Variants in OCIAD1 observed in about 807,000 individuals in gnomAD.
OCIAD1 encodes the protein OCIA domain containing 1.
In OCIAD1, 29 loss-of-function variants were observed where a neutral mutation model predicts 38.9. That is an observed-to-expected ratio of 0.74 (90% CI 0.55 to 1.02). The LOEUF (loss-of-function observed/expected upper bound fraction) is 1.02. Among genes scored for constraint, OCIAD1 ranks in the 50% least tolerant of loss-of-function variants. The pLI, the probability that OCIAD1 is intolerant of heterozygous loss-of-function variation, is 0.00. For synonymous variants in OCIAD1, 110 were observed against 92.0 expected (o/e 1.20, Z -1.12); for missense variants, 288 against 289.6 (o/e 0.99, Z 0.04).
At chr4:48,820,025 T>C (rs1251311062) in intron 1 of OCIAD1, among the ~76,000 whole-genome samples, 1 of 152,210 alleles carries the variant, frequency 6.6e-6, no homozygotes, top group African/African-American at 2.4e-5. Flanking sequence ...ATTCAGGATG[T>C]GAATTCAGCT....
intron 1 of OCIAD1, among the ~76,000 whole-genome samples, chr4:48,809,011 T>A (rs1472301599): frequency 6.6e-6 from 1 of 152,222 alleles, no homozygotes; most frequent in Non-Finnish European, 1.5e-5. Context: ...CTTAAATCTG[T>A]TCACCTGTAT....
At position 48,857,837 on chromosome 4, in the gene OCIAD1, A is replaced by G. The variant is rs371117779; in HGVS notation, c.700+472A>G. ...CAGTTTTCCATTTTTAAGGTGTTCC[A>G]AAGGCCATTTTGTGTTAGAAAATAA... On this transcript the variant is annotated intron_variant, in intron 8 of 8. Coordinates refer to ENST00000264312, the MANE Select transcript of OCIAD1 (RefSeq NM_017830.4). 1.6e-3 allele frequency among the ~76,000 whole-genome samples: 249 copies of G among 152,250 alleles called. 1 individual carries two copies. Among genetic ancestry groups the G allele is most frequent in the African/African-American group, 5.4e-3 (223 of 41,560 alleles).
intron 1 of OCIAD1, among the ~76,000 whole-genome samples, chr4:48,814,175 G>T (rs1321760416): frequency 2.0e-5 from 3 of 151,726 alleles, no homozygotes; most frequent in Non-Finnish European, 4.4e-5. Flanking sequence ...AAGAGGGACA[G>T]ATGGTTCTCG....
intron 1 of OCIAD1, among the ~76,000 whole-genome samples, chr4:48,816,226 A>G (rs1240787526): frequency 6.6e-6 from 1 of 152,204 alleles, no homozygotes; most frequent in African/African-American, 2.4e-5. Flanking sequence ...AATCTTTTTA[A>G]TATCATGGCA....
chr4:48,834,796 G>A (rs1255860596), intron 3 of OCIAD1, among the ~76,000 whole-genome samples: 1 of 152,100 alleles, frequency 6.6e-6, no homozygotes, highest in Non-Finnish European at 1.5e-5. Context: ...AAGAAAAAAA[G>A]GGCAACTTAA....
chr4:48,842,357 G>A (rs1186067685), intron 3 of OCIAD1, among the ~76,000 whole-genome samples: 1 of 152,110 alleles, frequency 6.6e-6, no homozygotes, highest in East Asian at 1.9e-4. Context: ...TGTCTTAGTT[G>A]ATGCTGTTGA....
intron 1 of OCIAD1, among the ~76,000 whole-genome samples, chr4:48,811,826 T>G (rs1413626565): frequency 1.3e-5 from 2 of 151,996 alleles, no homozygotes. Context: ...TCAAATGAGA[T>G]GAAGAAGATG....
intron 1 of OCIAD1, among the ~76,000 whole-genome samples, chr4:48,815,745 C>T (rs1476625769): frequency 6.6e-6 from 1 of 152,182 alleles, no homozygotes; most frequent in Admixed American, 6.5e-5. Context: ...CCCAGGGTCG[C>T]AAATGACTTT....
At chr4:48,812,178 G>T (rs1254089989) in intron 1 of OCIAD1, among the ~76,000 whole-genome samples, 1 of 149,924 alleles carries the variant, frequency 6.7e-6, no homozygotes, top group East Asian at 2.0e-4. Context: ...AGCTACTTGG[G>T]AGGCTGAGGC....
intron 1 of OCIAD1, among the ~76,000 whole-genome samples, chr4:48,812,329 A>AAAAAAAAC (rs1777098281): frequency 6.7e-6 from 1 of 149,954 alleles, no homozygotes; most frequent in Admixed American, 6.6e-5. Context: ...AAAGAAAAAG[A>AAAAAAAAC]AAACTAAATT....
chr4:48,814,681 C>T (rs1026300589), intron 1 of OCIAD1, among the ~76,000 whole-genome samples: 1 of 152,098 alleles, frequency 6.6e-6, no homozygotes, highest in East Asian at 1.9e-4. Flanking sequence ...GGCTATATCA[C>T]TTTTATGCTT....
chr4:48,850,064 G>A lies in OCIAD1; in HGVS notation c.359G>A (p.Arg120Gln), dbSNP rs747964488. 1.2e-6 allele frequency: 2 copies of A among 1,611,322 alleles called. No homozygotes were observed. Among genetic ancestry groups the A allele is most frequent in the Admixed American group, 1.7e-5 (1 of 59,364 alleles). ...LGEALRSGQA[R>Q]RSSPPGHYYQ... ...GAAGCTTTACGATCAGGACAAGCACGACGATCTTCACCACCTGGGTAGGCC... is the reference window on the plus strand; with the variant it reads ...GAAGCTTTACGATCAGGACAAGCACAACGATCTTCACCACCTGGGTAGGCC... The change falls in exon 6 of 9, where the codon CGA becomes CAA. Residue 120 changes from arginine (R) to glutamine (Q), a missense_variant. Physicochemically the swap from Arg to Gln is conservative, Grantham distance 43. Transcript: ENST00000264312.
At position 48,811,366 on chromosome 4, in the gene OCIAD1, A is replaced by G. The variant is rs1359337395; in HGVS notation, c.-103+6036A>G. On this transcript the variant is annotated intron_variant, in intron 1 of 6. Transcript: ENST00000504654. ...AAATGGCTTCCCATTTCTCCAATAA[A>G]AGCCAAAGTCTTTACAATGGCATAG... 5.3e-5 allele frequency among the ~76,000 whole-genome samples: 8 copies of G among 152,262 alleles called. No individual in the cohort carries two copies. The Middle Eastern group carries it at 0.01, about 194-fold the overall frequency.
At position 48,860,849 on chromosome 4, in the gene OCIAD1, C is replaced by T; in HGVS notation, c.*87C>T. ...TACCTGCATGCTTTGAGCTCAGCAGCAGTCTTCATAAACACATTTAAAACA... is the reference window on the plus strand; with the variant it reads ...TACCTGCATGCTTTGAGCTCAGCAGTAGTCTTCATAAACACATTTAAAACA... On this transcript the variant is annotated 3_prime_UTR_variant, in exon 9 of 9. Transcript: ENST00000264312. 1 of 939,756 alleles carries T rather than the reference C, an allele frequency of 1.1e-6. No individual in the cohort carries two copies. The highest frequency in any genetic ancestry group is 1.7e-6 in the Non-Finnish European group (1 of 582,434). The allele number at this position is 939,756 out of a possible 1,614,324, so 58.2% of individuals were successfully genotyped here. A position where few individuals can be genotyped will look rare whatever the true frequency, so the allele number is the denominator to read the frequency against.
intron 1 of OCIAD1, among the ~76,000 whole-genome samples, chr4:48,814,259 C>G (rs1392154017): frequency 6.8e-6 from 1 of 147,636 alleles, no homozygotes; most frequent in African/African-American, 2.5e-5. Context: ...TTTTTTTAAT[C>G]CTTGCCTCTG....
At chr4:48,811,068 G>T (rs1560406255) in intron 1 of OCIAD1, among the ~76,000 whole-genome samples, 1 of 151,870 alleles carries the variant, frequency 6.6e-6, no homozygotes, top group African/African-American at 2.4e-5. Flanking sequence ...TGTTGTCCAG[G>T]CTGGTCTCAA....
chr4:48,830,504 T>C (rs1777386561), upstream of OCIAD1: 1 of 151,734 alleles, frequency 6.6e-6, no homozygotes. Context: ...GTAGAAGTCG[T>C]GAGCCCCCTC....
At chr4:48,857,082 T>C (rs985232371) in intron 7 of OCIAD1, 131 bp from the exon 8 acceptor site, 1 of 429,902 alleles carries the variant, frequency 2.3e-6, no homozygotes. Flanking sequence ...ACCTGTGAAA[T>C]GGTGGTAATA....
intron 4 of OCIAD1, among the ~76,000 whole-genome samples, chr4:48,843,377 A>AGGTG (rs1778704146): frequency 2.6e-5 from 4 of 152,196 alleles, no homozygotes; most frequent in Admixed American, 2.0e-4. Flanking sequence ...GTCCCAGAAA[A>AGGTG]GGATGGTGAC....
Sources: allele counts gnomAD v4.1 joint callset (sites outside exome capture counted in the v4.1 genomes callset), GRCh38; gene constraint gnomAD v4.1.1; transcripts MANE v1.5; gene names NCBI Gene and HGNC (gene_info 2026-07-23, HGNC 2026-07-21).